Variants in ALK observed in about 807,000 individuals in gnomAD.
ALK encodes the protein ALK tyrosine kinase receptor.
In ALK, 74 loss-of-function variants were observed where a neutral mutation model predicts 163.1. The observed-to-expected ratio is 0.45, with a 90% CI of 0.38 to 0.55. The LOEUF (loss-of-function observed/expected upper bound fraction) is 0.55, where lower values mean the gene tolerates loss of function less well. Among genes scored for constraint, ALK ranks in the 20% least tolerant of loss-of-function variants. The pLI is 0.00. For synonymous variants in ALK, 960 were observed against 843.2 expected (o/e 1.14, Z -2.40); for missense variants, 2,063 against 2,105.3 (o/e 0.98, Z 0.39).
Position 29,734,935 on chromosome 2 carries a change from G to T in ALK, c.668-17238C>A, listed in dbSNP as rs539798374. On this transcript the variant is annotated intron_variant, in intron 1 of 28. Coordinates refer to ENST00000389048, the MANE Select transcript of ALK (RefSeq NM_004304.5). ...TCTTATACATTCCTGGTAGAAGTATGAATTGTAAATTTAATTTTTTTAATA... is the reference window on the plus strand; with the variant it reads ...TCTTATACATTCCTGGTAGAAGTATTAATTGTAAATTTAATTTTTTTAATA... 1.0e-3 allele frequency among the ~76,000 whole-genome samples: 158 copies of T among 152,238 alleles called. 1 individual carries two copies. Among genetic ancestry groups the T allele is most frequent in the Non-Finnish European group, 1.9e-3 (132 of 68,014 alleles).
chr2:29,586,084 C>T (rs1324186506), intron 3 of ALK, among the ~76,000 whole-genome samples: 2 of 152,058 alleles, frequency 1.3e-5, no homozygotes, highest in Non-Finnish European at 1.5e-5. Flanking sequence ...TTAAAACCTT[C>T]GCCATTTTGT....
At chr2:29,423,456 G>A (rs1003059565) in intron 4 of ALK, among the ~76,000 whole-genome samples, 5 of 152,214 alleles carry the variant, frequency 3.3e-5, no homozygotes, top group East Asian at 1.9e-4. Flanking sequence ...CTTAGATCAC[G>A]CCACAGGTGG....
chr2:29,197,075 G>A (rs186235442), intron 27 of ALK, among the ~76,000 whole-genome samples: 10 of 152,252 alleles, frequency 6.6e-5, no homozygotes, highest in African/African-American at 2.4e-5. Flanking sequence ...TGTTAACCAC[G>A]GCTGCTGTCA....
intron 4 of ALK, among the ~76,000 whole-genome samples, chr2:29,435,071 A>C (rs1234192380): frequency 6.6e-6 from 1 of 152,150 alleles, no homozygotes; most frequent in South Asian, 2.1e-4. Context: ...ATATCAAGCA[A>C]AGCCCTTGGG....
chr2:29,408,581 G>T (rs1174174420), intron 4 of ALK, among the ~76,000 whole-genome samples: 1 of 152,060 alleles, frequency 6.6e-6, no homozygotes, highest in Non-Finnish European at 1.5e-5. Flanking sequence ...TATATTATAG[G>T]GACTTATAAA....
chr2:29,529,292 G>A (rs1673053669), intron 4 of ALK, among the ~76,000 whole-genome samples: 2 of 152,136 alleles, frequency 1.3e-5, no homozygotes, highest in South Asian at 2.1e-4. Context: ...CTACAAACAC[G>A]GAATGTTGTT....
At chr2:29,277,500 G>A (rs1190468637) in intron 9 of ALK, among the ~76,000 whole-genome samples, 1 of 152,214 alleles carries the variant, frequency 6.6e-6, no homozygotes, top group East Asian at 1.9e-4. Context: ...GTGAGATCTG[G>A]TCATTCAGAA....
rs372946207 is a variant in ALK, at chr2:29,703,263, G to A, written c.788-8249C>T. ...TAACTACTGGGATACAGAGCCTGAC[G>A]CTGGGCCTGACTGTCCTCACTTGTT... On this transcript the variant is annotated intron_variant, in intron 2 of 28. Transcript: ENST00000389048. Among the ~76,000 whole-genome samples the A allele has an allele frequency of 4.6e-5, 7 of 152,310 alleles. No individual in the cohort carries two copies. The East Asian group carries it at 1.2e-3, about 25-fold the overall frequency.
chr2:29,493,406 G>A (rs113113772), intron 4 of ALK, among the ~76,000 whole-genome samples: 8 of 152,104 alleles, frequency 5.3e-5, no homozygotes, highest in East Asian at 1.9e-4. Context: ...GTCACGTATC[G>A]TGTTTTCTCC....
chr2:29,362,110 G>T (rs1668401656), intron 5 of ALK, among the ~76,000 whole-genome samples: 1 of 152,152 alleles, frequency 6.6e-6, no homozygotes, highest in Non-Finnish European at 1.5e-5. Flanking sequence ...AAAGTGAAAG[G>T]GAGGGCTCCG....
At chr2:29,665,003 C>CTTTTTTT (rs35885544) in intron 3 of ALK, among the ~76,000 whole-genome samples, 2 of 133,794 alleles carry the variant, frequency 1.5e-5, no homozygotes, top group Non-Finnish European at 1.6e-5. Flanking sequence ...TTCTTTTTTT[C>CTTTTTTT]TTTTTTTTTT....
intron 1 of ALK, among the ~76,000 whole-genome samples, chr2:29,897,405 C>T (rs541416332): frequency 2.6e-5 from 4 of 151,954 alleles, no homozygotes; most frequent in African/African-American, 9.6e-5. Flanking sequence ...AAGGAGAGTA[C>T]ATTCACATGT....
At chr2:29,514,759 C>A (rs551894932) in intron 4 of ALK, among the ~76,000 whole-genome samples, 15 of 152,314 alleles carry the variant, frequency 9.8e-5, no homozygotes, top group Admixed American at 3.3e-4. Context: ...TGTATCCAAC[C>A]CATCACTAAT....
intron 1 of ALK, among the ~76,000 whole-genome samples, chr2:29,750,365 T>C (rs572498729): frequency 6.6e-6 from 1 of 152,156 alleles, no homozygotes; most frequent in Admixed American, 6.5e-5. Context: ...CATATTAAAA[T>C]ATAGAAAAGG....
intron 1 of ALK, among the ~76,000 whole-genome samples, chr2:29,727,253 A>G (rs551685056): frequency 6.6e-6 from 1 of 152,336 alleles, no homozygotes; most frequent in South Asian, 2.1e-4. Flanking sequence ...GGTGAGGGGA[A>G]GAAGAGGGAC....
chr2:29,289,596 G>A (rs186216229), intron 9 of ALK, among the ~76,000 whole-genome samples: 3 of 152,162 alleles, frequency 2.0e-5, no homozygotes, highest in Non-Finnish European at 2.9e-5. Flanking sequence ...TGAACGAATC[G>A]GTTTTGCCTA....
chr2:29,301,534 C>G (rs1666370128), intron 8 of ALK, among the ~76,000 whole-genome samples: 1 of 152,194 alleles, frequency 6.6e-6, no homozygotes, highest in Middle Eastern at 3.2e-3. Context: ...AGTCAATCAA[C>G]TTTCCATCCT....
chr2:29,430,035 A>G (rs1670236670), intron 4 of ALK, among the ~76,000 whole-genome samples: 1 of 152,178 alleles, frequency 6.6e-6, no homozygotes, highest in Non-Finnish European at 1.5e-5. Context: ...CCTACCTCAT[A>G]TAAGATATAA....
At chr2:29,333,595 C>T (rs1160045497) in intron 5 of ALK, among the ~76,000 whole-genome samples, 1 of 152,198 alleles carries the variant, frequency 6.6e-6, no homozygotes, top group East Asian at 1.9e-4. Flanking sequence ...TATTTTCATT[C>T]TGTTTATAAT....
Sources: gnomAD v4.1 joint callset for allele counts (sites outside exome capture counted in the v4.1 genomes callset) on GRCh38, gnomAD v4.1.1 for gene constraint, MANE v1.5 for transcripts, NCBI Gene and HGNC (gene_info 2026-07-23, HGNC 2026-07-21) for gene names.